Variants in MORC2 observed in about 807,000 individuals in gnomAD.
MORC2 encodes the protein ATPase MORC2.
A neutral mutation model predicts 136.0 loss-of-function variants in MORC2; 30 were observed. The ratio of observed to expected loss-of-function variants is 0.22; its 90% CI spans 0.17 to 0.30. The LOEUF (loss-of-function observed/expected upper bound fraction) is 0.30. Among genes scored for constraint, MORC2 ranks in the 10% least tolerant of loss-of-function variants. The pLI is 1.00. For synonymous variants in MORC2, 439 were observed against 487.0 expected, an observed-to-expected ratio of 0.90 and a Z score of 1.30; for missense variants, 922 against 1,333.1, an observed-to-expected ratio of 0.69 and a Z score of 4.80.
intron 5 of MORC2, 45 bp from the exon 6 acceptor site, chr22:30,946,494 A>T (rs756956848): frequency 1.3e-6 from 2 of 1,517,486 alleles, no homozygotes; most frequent in South Asian, 2.4e-5. Flanking sequence ...AGGAGTCAAA[A>T]GCTCATCTGC....
chr22:30,949,581 A>C (rs192918568), intron 5 of MORC2, among the ~76,000 whole-genome samples, 171 bp downstream of exon 5: 2 of 152,312 alleles, frequency 1.3e-5, no homozygotes, highest in Admixed American at 6.5e-5. Context: ...GAGTAAATTC[A>C]GCTGGGAACA....
At chr22:30,946,241 C>CA (rs2040813411) in intron 6 of MORC2, 100 bp downstream of exon 6, 3 of 845,682 alleles carry the variant, frequency 3.5e-6, no homozygotes, top group African/African-American at 1.7e-5. Flanking sequence ...TCCAATCCTG[C>CA]AACCCCAAAG....
intron 2 of MORC2, among the ~76,000 whole-genome samples, chr22:30,957,498 A>G (rs947274003): frequency 6.6e-6 from 1 of 152,240 alleles, no homozygotes. Flanking sequence ...AAATCCACAC[A>G]GCTCTACATA....
Position 30,931,503 on chromosome 22 carries a change from G to A in MORC2, c.2841+856C>T, listed in dbSNP as rs191866352. The stretch of plus-strand genomic sequence containing the variant: ...CTTCATACAGAGTTTAAGCCAGTAT[G>A]ACTTACACTGGGGATTCAAGACACA... On this transcript the variant is annotated intron_variant, in intron 24 of 25. Coordinates refer to ENST00000397641, the MANE Select transcript of MORC2 (RefSeq NM_001303256.3). Among the ~76,000 whole-genome samples, 461 of 152,316 alleles carry A rather than the reference G, an allele frequency of 3.0e-3. 1 individual carries two copies. Among genetic ancestry groups the A allele is most frequent in the Non-Finnish European group, 4.1e-3 (276 of 68,022 alleles).
chr22:30,960,084 T>C (rs1430284460), intron 1 of MORC2, among the ~76,000 whole-genome samples: 1 of 151,922 alleles, frequency 6.6e-6, no homozygotes, highest in Non-Finnish European at 1.5e-5. Flanking sequence ...TCTCCTGCCT[T>C]GGCCTCCAGA....
rs767254485 is a variant in MORC2, at chr22:30,932,659, T to A, written c.2633A>T (p.Gln878Leu). The change falls in exon 23 of 26, where the codon CAG becomes CTG. Residue 878 changes from glutamine (Q) to leucine (L), a missense_variant. Gln to Leu is a moderately radical substitution (Grantham distance 113). Around this residue, in one of 9 missense-constraint regions of MORC2, gnomAD observed 263 missense variants for 388.3 expected, o/e 0.68. Coordinates refer to ENST00000397641, the MANE Select transcript of MORC2 (RefSeq NM_001303256.3). The surrounding 1 kb of genome is among the most constrained non-coding windows in gnomAD (Gnocchi z 4.4). ...GGGCTCTGCGACAGCTATGGCCTGC[T>A]GGGCCACAGGGCCCACCTCCTCCTC... ...GGEEEVGPVA[Q>L]QAIAVAEPST... The A allele has an allele frequency of 3.1e-6, 5 of 1,614,188 alleles. No homozygotes were observed. The highest frequency in any genetic ancestry group is 4.2e-6 in the Non-Finnish European group (5 of 1,180,016).
At chr22:30,926,916 T>C (rs779160114) in intron 25 of MORC2, 45 bp from the exon 26 acceptor site, 18 of 1,544,060 alleles carry the variant, frequency 1.2e-5, no homozygotes, top group East Asian at 1.1e-4. Flanking sequence ...CAGAAAGTGA[T>C]TGGGGGGCTC....
intron 17 of MORC2, 67 bp from the exon 18 acceptor site, chr22:30,935,389 A>G: frequency 1.3e-6 from 2 of 1,489,628 alleles, no homozygotes; most frequent in Non-Finnish European, 1.9e-6. Flanking sequence ...CTTTTTGGAT[A>G]GTGTCTGGAA....
At chr22:30,951,322 C>T (rs2040883088) in intron 3 of MORC2, among the ~76,000 whole-genome samples, 1 of 152,224 alleles carries the variant, frequency 6.6e-6, no homozygotes, top group South Asian at 2.1e-4. Context: ...CCAAGCATGT[C>T]ATGGTCAATG....
intron 3 of MORC2, 28 bp from the exon 4 acceptor site, chr22:30,950,473 G>A: frequency 6.2e-7 from 1 of 1,609,052 alleles, no homozygotes; most frequent in Non-Finnish European, 8.5e-7. Flanking sequence ...GCCATTACTG[G>A]GCCGTTACCC....
At chr22:30,965,697 G>A (rs567771622) in intron 1 of MORC2, among the ~76,000 whole-genome samples, 23 of 152,308 alleles carry the variant, frequency 1.5e-4, no homozygotes, top group South Asian at 1.4e-3. Context: ...GACTTAACTG[G>A]TTTCTTTCCT....
At chr22:30,927,167 T>C (rs1195400528) in intron 25 of MORC2, among the ~76,000 whole-genome samples, 5 of 152,080 alleles carry the variant, frequency 3.3e-5, no homozygotes, top group African/African-American at 1.2e-4. Context: ...CCCTTCTCTG[T>C]CACTGCCCAA....
intron 1 of MORC2, among the ~76,000 whole-genome samples, chr22:30,965,445 A>G (rs573445974): frequency 6.6e-6 from 1 of 152,364 alleles, no homozygotes; most frequent in African/African-American, 2.4e-5. Flanking sequence ...AGGTCACCAC[A>G]ATGTTTTAAA....
In MORC2 at chr22:30,937,531, A is replaced by G; in HGVS notation, c.1498+52T>C. The stretch of plus-strand genomic sequence containing the variant: ...AGGCTGGCAGGAAGATAGAGAAAAG[A>G]GGCTTGTGGGCTGATGGAAATGAGT... On this transcript the variant is annotated intron_variant, in intron 15 of 25. Transcript: ENST00000397641. This position sits in a 1 kb window ranked among gnomAD's most constrained non-coding sequence, Gnocchi z 4.7. 6.3e-7 allele frequency: 1 copy of G among 1,590,202 alleles called. No homozygotes were observed. The highest frequency in any genetic ancestry group is 8.6e-7 in the Non-Finnish European group (1 of 1,169,534).
rs760192093 is a variant in MORC2, at chr22:30,937,058, C to A, written c.1499-21G>T. 2 of 1,571,722 alleles carry A rather than the reference C, an allele frequency of 1.3e-6. No individual in the cohort carries two copies. The highest frequency in any genetic ancestry group is 2.2e-5 in the South Asian group (2 of 89,892). On this transcript the variant is annotated intron_variant, in intron 15 of 25. Coordinates refer to ENST00000397641, the MANE Select transcript of MORC2 (RefSeq NM_001303256.3). The surrounding 1 kb of genome is among the most constrained non-coding windows in gnomAD (Gnocchi z 4.7). ...CAAATCTGCAGAGAGCAAAAAAACC[C>A]CACATATCAGCCACGCCCACCAACT...
At position 30,926,746 on chromosome 22, in the gene MORC2, C is replaced by A. The variant is rs113471863; in HGVS notation, c.*57G>T. On this transcript the variant is annotated 3_prime_UTR_variant, in exon 26 of 26. Transcript: ENST00000397641. ...CAACCCATGAATGAAGTCCCCTCCC[C>A]CTGCAGCTACAGGGTTGAGGGGCAG... 6,689 of 1,479,104 alleles carry A rather than the reference C, an allele frequency of 4.5e-3. 33 individuals are homozygous for A. Among genetic ancestry groups the A allele is most frequent in the Middle Eastern group, 5.4e-3 (30 of 5,532 alleles). The allele number at this position is 1,479,104 out of a possible 1,614,324, so 91.6% of individuals were successfully genotyped here. A position where few individuals can be genotyped will look rare whatever the true frequency, so the allele number is the denominator to read the frequency against.
intron 1 of MORC2, chr22:30,963,299 C>G (rs2041077824): frequency 2.0e-6 from 2 of 984,090 alleles, no homozygotes; most frequent in Admixed American, 6.2e-5. Context: ...CTTCACAGAC[C>G]TAAACATCCT....
intron 5 of MORC2, among the ~76,000 whole-genome samples, chr22:30,946,981 C>T (rs2040826673): frequency 6.6e-6 from 1 of 152,172 alleles, no homozygotes; most frequent in African/African-American, 2.4e-5. Flanking sequence ...GGCAGCAGCA[C>T]TGTTAAGTGA....
rs2040626010 is a variant in MORC2 at position 30,934,712 on chromosome 22, G to A, written c.2193+69C>T. ...CCGAAGGCTCCCCCAGTACAGCTGT[G>A]ACACTGCACAATTCCATTCCTACAC... On this transcript the variant is annotated intron_variant, in intron 19 of 25. Transcript: ENST00000397641. The surrounding 1 kb of genome is among the most constrained non-coding windows in gnomAD (Gnocchi z 4.4). 2 of 1,563,114 alleles carry A rather than the reference G, an allele frequency of 1.3e-6. No homozygotes were observed. Among genetic ancestry groups the A allele is most frequent in the African/African-American group, 1.3e-5 (1 of 74,114 alleles).
Sources: allele counts gnomAD v4.1 joint callset (sites outside exome capture counted in the v4.1 genomes callset), GRCh38; gene constraint gnomAD v4.1.1; regional missense constraint gnomAD v4.1.1; non-coding constraint Gnocchi (gnomAD v3.1); transcripts MANE v1.5; gene names NCBI Gene and HGNC (gene_info 2026-07-23, HGNC 2026-07-21).